THTPA: variants seen among roughly 807,000 people sequenced by gnomAD.
The protein encoded by THTPA is thiamine triphosphatase, also known as thiamine-triphosphatase.
A neutral mutation model predicts 16.5 loss-of-function variants in THTPA; 16 were observed. The observed-to-expected ratio is 0.97, with a 90% CI of 0.66 to 1.47. THTPA has a LOEUF of 1.47. Among genes scored for constraint, THTPA ranks in the 40% most tolerant of loss-of-function variants. The pLI is 0.00. For missense variants in THTPA, 281 were observed against 280.9 expected (o/e 1.00, Z 0.00); for synonymous variants, 110 against 115.5 (o/e 0.95, Z 0.30).
the THTPA span, chr14:23,520,971 C>G: frequency 6.6e-6 from 1 of 151,402 alleles, no homozygotes; most frequent in African/African-American, 2.4e-5. The surrounding 1 kb of genome is among the most constrained non-coding windows in gnomAD (Gnocchi z 8.7). Flanking sequence ...CACGTACTCT[C>G]TCTCGCTCTT....
At chr14:23,515,479 A>G in the THTPA span, among the ~76,000 whole-genome samples, 1 of 152,226 alleles carries the variant, frequency 6.6e-6, no homozygotes, top group Non-Finnish European at 1.5e-5. Flanking sequence ...AATCCATCCC[A>G]AGAAGGGAGA....
chr14:23,517,307 C>T, the THTPA span, among the ~76,000 whole-genome samples: 1 of 152,166 alleles, frequency 6.6e-6, no homozygotes, highest in Non-Finnish European at 1.5e-5. Context: ...CATCTTTCCC[C>T]AAACTTGATG....
the THTPA span, chr14:23,525,031 A>T: frequency 6.5e-7 from 1 of 1,536,002 alleles, no homozygotes; most frequent in Non-Finnish European, 8.7e-7. The surrounding 1 kb of genome is among the most constrained non-coding windows in gnomAD (Gnocchi z 5.9). Context: ...CCACCACCAC[A>T]CGGCTAGCCA....
chr14:23,539,507 C>T, the THTPA span, among the ~76,000 whole-genome samples: 806 of 152,172 alleles, frequency 5.3e-3, 4 homozygotes, highest in Admixed American at 7.9e-3. Context: ...AGGCCCTGAC[C>T]GAGCAAGATG....
At chr14:23,525,903 G>C in the THTPA span, 4 of 1,461,134 alleles carry the variant, frequency 2.7e-6, no homozygotes, top group East Asian at 7.4e-5. This position sits in a 1 kb window ranked among gnomAD's most constrained non-coding sequence, Gnocchi z 5.9. Context: ...AGAGGGAAGG[G>C]GGGCAGGACT....
At chr14:23,512,118 T>C in the THTPA span, among the ~76,000 whole-genome samples, 1 of 152,136 alleles carries the variant, frequency 6.6e-6, no homozygotes, top group Admixed American at 6.5e-5. Context: ...TGTAGGAATG[T>C]TAATTAGCAT....
the THTPA span, among the ~76,000 whole-genome samples, chr14:23,539,566 C>T: frequency 2.6e-4 from 39 of 152,110 alleles, no homozygotes; most frequent in Admixed American, 2.5e-3. Flanking sequence ...AGACAAAGGG[C>T]ATGGGCAAAG....
the THTPA span, chr14:23,535,249 T>A: frequency 6.6e-7 from 1 of 1,514,070 alleles, no homozygotes. This position sits in a 1 kb window ranked among gnomAD's most constrained non-coding sequence, Gnocchi z 4.5. Context: ...GGAGAAGGTG[T>A]CCGAAGGCAG....
the THTPA span, chr14:23,542,168 C>T: frequency 6.6e-6 from 1 of 152,352 alleles, no homozygotes; most frequent in East Asian, 1.9e-4. Context: ...GGCCTCCCAG[C>T]TCTGGCACCA....
the THTPA span, chr14:23,523,266 C>A: frequency 3.5e-6 from 5 of 1,436,412 alleles, no homozygotes; most frequent in Non-Finnish European, 4.5e-6. The surrounding 1 kb of genome is among the most constrained non-coding windows in gnomAD (Gnocchi z 4.1). Context: ...GATAAGAGGA[C>A]CGGCGCCAGG....
the THTPA span, chr14:23,524,990 C>T: frequency 9.1e-6 from 14 of 1,536,236 alleles, no homozygotes; most frequent in Admixed American, 5.9e-5. The surrounding 1 kb of genome is among the most constrained non-coding windows in gnomAD (Gnocchi z 5.6). Flanking sequence ...GGCATTTTTG[C>T]GTGCTTTCTG....
chr14:23,548,686 A>T, the THTPA span, among the ~76,000 whole-genome samples: 1 of 151,986 alleles, frequency 6.6e-6, no homozygotes, highest in Non-Finnish European at 1.5e-5. Context: ...GGGGGTAGTG[A>T]GTGATTAGGC....
chr14:23,552,989 C>G (rs1404294023), upstream of THTPA, among the ~76,000 whole-genome samples: 2 of 152,200 alleles, frequency 1.3e-5, no homozygotes, highest in East Asian at 1.9e-4. Flanking sequence ...TTACTCCTCT[C>G]AATACCTCAA....
chr14:23,533,779 G>C, the THTPA span: 30 of 1,557,924 alleles, frequency 1.9e-5, no homozygotes, highest in Non-Finnish European at 2.3e-5. The surrounding 1 kb of genome is among the most constrained non-coding windows in gnomAD (Gnocchi z 4.8). Flanking sequence ...GGTGGTTGTA[G>C]AGTAGTTGCA....
At chr14:23,522,727 G>A in the THTPA span, 9 of 1,536,612 alleles carry the variant, frequency 5.9e-6, no homozygotes, top group African/African-American at 1.4e-5. Flanking sequence ...AGCTGGTGGG[G>A]CCTGCAACTG....
the THTPA span, chr14:23,522,779 G>T: frequency 8.5e-6 from 13 of 1,536,444 alleles, no homozygotes; most frequent in African/African-American, 1.4e-4. Flanking sequence ...GGGCTCAGTA[G>T]GAGGGCCTGG....
In THTPA at chr14:23,556,954, G is replaced by A. The variant is rs1264202223; in HGVS notation, c.197G>A (p.Cys66Tyr). 6 of 1,614,064 alleles carry A rather than the reference G, an allele frequency of 3.7e-6. No homozygotes were observed. The highest frequency in any genetic ancestry group is 2.7e-5 in the African/African-American group (2 of 74,908). The change falls in exon 1 of 2, where the codon TGT becomes TAT. Residue 66 changes from cysteine to tyrosine, a missense_variant. Physicochemically the swap from Cys to Tyr is radical, Grantham distance 194. Coordinates refer to ENST00000288014, the MANE Select transcript of THTPA (RefSeq NM_024328.6). Reference protein sequence around the residue: ...RREDSGWELKCPGAAGVLGPH... With the variant: ...RREDSGWELKYPGAAGVLGPH... ...GAGGATAGTGGATGGGAGCTCAAAT[G>A]TCCTGGAGCAGCAGGTGTCTTAGGA...
the THTPA span, among the ~76,000 whole-genome samples, chr14:23,515,527 C>T: frequency 6.6e-6 from 1 of 152,086 alleles, no homozygotes; most frequent in African/African-American, 2.4e-5. Context: ...AGGGGAAGGC[C>T]CCTAGGAGGA....
intron 1 of THTPA, among the ~76,000 whole-genome samples, chr14:23,558,207 C>T (rs949255593): frequency 3.3e-5 from 5 of 152,262 alleles, no homozygotes; most frequent in Admixed American, 3.3e-4. Context: ...TCTCACCTCA[C>T]CATGTAGAGG....
Sources: gnomAD v4.1 joint callset for allele counts (sites outside exome capture counted in the v4.1 genomes callset) on GRCh38, gnomAD v4.1.1 for gene constraint, Gnocchi (gnomAD v3.1) non-coding constraint, MANE v1.5 for transcripts, NCBI Gene and HGNC (gene_info 2026-07-23, HGNC 2026-07-21) for gene names.